N4BP2L2: variants seen among roughly 807,000 people sequenced by gnomAD.
N4BP2L2 encodes the protein NEDD4 binding protein 2 like 2.
N4BP2L2 carries 50 observed loss-of-function variants against 56.2 expected under a neutral mutation model. That is an observed-to-expected ratio of 0.89 (90% CI 0.71 to 1.13). The LOEUF (loss-of-function observed/expected upper bound fraction) is 1.13, where lower values mean the gene tolerates loss of function less well. Among genes scored for constraint, N4BP2L2 ranks in the 50% most tolerant of loss-of-function variants. The probability of loss-of-function intolerance (pLI) is 0.00; values close to 1 mark genes in which losing one functional copy is unlikely to be tolerated. For synonymous variants in N4BP2L2, 203 were observed against 223.6 expected (o/e 0.91, Z 0.82); for missense variants, 689 against 693.8 (o/e 0.99, Z 0.08).
chr13:32,499,748 T>G (rs980757711), intron 6 of N4BP2L2, among the ~76,000 whole-genome samples: 1 of 152,152 alleles, frequency 6.6e-6, no homozygotes, highest in African/African-American at 2.4e-5. Flanking sequence ...ACCCTCTATC[T>G]GACCAAGGAC....
chr13:32,529,212 G>C (rs923111983), intron 2 of N4BP2L2, among the ~76,000 whole-genome samples: 2 of 152,192 alleles, frequency 1.3e-5, no homozygotes, highest in African/African-American at 2.4e-5. Context: ...AAAATCACTT[G>C]TATCAAAAGA....
chr13:32,479,467 G>A (rs2084103439), intron 6 of N4BP2L2, among the ~76,000 whole-genome samples: 1 of 151,528 alleles, frequency 6.6e-6, no homozygotes, highest in African/African-American at 2.4e-5. Flanking sequence ...ATTTTTAGTA[G>A]AGATGGGGTT....
chr13:32,470,416 G>A (rs2082083708), intron 6 of N4BP2L2, among the ~76,000 whole-genome samples: 1 of 152,214 alleles, frequency 6.6e-6, no homozygotes, highest in Non-Finnish European at 1.5e-5. Context: ...CAATAGCCAA[G>A]CAGGCTATTC....
chr13:32,531,226 G>A (rs891437142), intron 2 of N4BP2L2, among the ~76,000 whole-genome samples: 2 of 152,136 alleles, frequency 1.3e-5, no homozygotes, highest in African/African-American at 4.8e-5. Flanking sequence ...CCAGAGTCCA[G>A]ACCTACAGAA....
At chr13:32,530,028 G>A (rs1424876271) in intron 2 of N4BP2L2, among the ~76,000 whole-genome samples, 1 of 151,978 alleles carries the variant, frequency 6.6e-6, no homozygotes, top group African/African-American at 2.4e-5. Flanking sequence ...GCCCGGCACA[G>A]GTGATTTTTA....
intron 6 of N4BP2L2, among the ~76,000 whole-genome samples, chr13:32,448,201 C>T (rs1224377062): frequency 6.6e-6 from 1 of 152,084 alleles, no homozygotes; most frequent in Admixed American, 6.5e-5. Context: ...AAATAAGAGA[C>T]TTGGTAGTGA....
rs35170916 is a variant in N4BP2L2, at chr13:32,445,250, GAATAAATA to G, written c.366-1132_366-1125del. Among the ~76,000 whole-genome samples, 385 of 150,576 alleles carry G rather than the reference GAATAAATA, an allele frequency of 2.6e-3. 2 individuals are homozygous for G. Among genetic ancestry groups the G allele is most frequent in the African/African-American group, 9.0e-3 (366 of 40,816 alleles). The stretch of plus-strand genomic sequence containing the variant: ...TGGCCCACAGGGCAAGACTCCAACT[GAATAAATA>G]AATAAATAAATAAATAAATAAAAAC... On this transcript the variant is annotated intron_variant, in intron 6 of 9. Transcript: ENST00000357505.
intron 6 of N4BP2L2, among the ~76,000 whole-genome samples, chr13:32,459,079 T>C (rs1488632228): frequency 6.6e-6 from 1 of 152,106 alleles, no homozygotes; most frequent in Admixed American, 6.6e-5. Flanking sequence ...TCAAAAAATT[T>C]CTTGAAACAA....
At chr13:32,494,784 C>T (rs1431053272) in intron 6 of N4BP2L2, among the ~76,000 whole-genome samples, 2 of 152,042 alleles carry the variant, frequency 1.3e-5, no homozygotes, top group Non-Finnish European at 2.9e-5. Context: ...TTGGCTTGAA[C>T]ATTTCTTCTG....
At chr13:32,492,758 T>C (rs2087460804) in intron 6 of N4BP2L2, among the ~76,000 whole-genome samples, 1 of 152,058 alleles carries the variant, frequency 6.6e-6, no homozygotes, top group African/African-American at 2.4e-5. Context: ...GAAATAAGTA[T>C]CATGCTCTCA....
At position 32,442,974 on chromosome 13, in the gene N4BP2L2, G is replaced by GT; in HGVS notation, c.1517dup (p.Asn506LysfsTer14). ...CTCCCAAAGTAATTTTTAGTCCATG[G>GT]TTTTTTGTTAACAGGTCACATTTCT... On this transcript the variant is annotated frameshift_variant, in exon 7 of 10. Coordinates refer to the N4BP2L2 transcript ENST00000357505. LOFTEE classifies it high-confidence loss of function. 1 of 1,613,570 alleles carries GT rather than the reference G, an allele frequency of 6.2e-7. No homozygotes were observed. The highest frequency in any genetic ancestry group is 1.1e-5 in the South Asian group (1 of 91,040).
intron 6 of N4BP2L2, among the ~76,000 whole-genome samples, chr13:32,503,833 C>T (rs1450872400): frequency 6.6e-6 from 1 of 152,080 alleles, no homozygotes; most frequent in African/African-American, 2.4e-5. Flanking sequence ...ATCACTTGAG[C>T]CCAGGAGTTT....
intron 2 of N4BP2L2, among the ~76,000 whole-genome samples, chr13:32,528,339 C>T (rs2053677072): frequency 6.6e-6 from 1 of 152,042 alleles, no homozygotes; most frequent in African/African-American, 2.4e-5. Context: ...TAGTTGGAGG[C>T]TTAAGGTTAT....
At chr13:32,525,293 G>C (rs1347757783) in intron 3 of N4BP2L2, 1 of 151,884 alleles carries the variant, frequency 6.6e-6, no homozygotes, top group East Asian at 1.9e-4. Context: ...TATTTTTTTA[G>C]ACTGCTATGC....
chr13:32,527,500 A>C (rs1262134382), exon 3 of N4BP2L2: 1 of 1,613,190 alleles, frequency 6.2e-7, no homozygotes, highest in Non-Finnish European at 8.5e-7. Context: ...AGTGCTGAAC[A>C]CAATGCCATC....
intron 6 of N4BP2L2, among the ~76,000 whole-genome samples, chr13:32,494,319 AG>A (rs2087944278): frequency 6.6e-6 from 1 of 152,096 alleles, no homozygotes; most frequent in Admixed American, 6.5e-5. Flanking sequence ...TGAGATTTGA[AG>A]GAGATATCCT....
At chr13:32,502,237 A>AT (rs1267730377) in intron 6 of N4BP2L2, among the ~76,000 whole-genome samples, 2 of 151,534 alleles carry the variant, frequency 1.3e-5, no homozygotes, top group Non-Finnish European at 2.9e-5. Flanking sequence ...CTAATTTTTT[A>AT]TTTTTTTATT....
At chr13:32,461,754 C>T (rs192183759) in intron 6 of N4BP2L2, among the ~76,000 whole-genome samples, 5 of 152,182 alleles carry the variant, frequency 3.3e-5, no homozygotes, top group East Asian at 1.9e-4. Flanking sequence ...AGGTGTGCAC[C>T]GTCATGCCTG....
intron 6 of N4BP2L2, among the ~76,000 whole-genome samples, chr13:32,487,880 G>A (rs942233888): frequency 8.0e-5 from 12 of 149,954 alleles, no homozygotes; most frequent in Non-Finnish European, 1.3e-4. Context: ...TTTTTTTGAC[G>A]GAGTTTTCGC....
Sources: allele counts gnomAD v4.1 joint callset (sites outside exome capture counted in the v4.1 genomes callset), GRCh38; gene constraint gnomAD v4.1.1; transcripts MANE v1.5; gene names NCBI Gene and HGNC (gene_info 2026-07-23, HGNC 2026-07-21).